Variants in KLHL31 observed in about 807,000 individuals in gnomAD.
The protein encoded by KLHL31 is kelch like family member 31.
In KLHL31, 32 loss-of-function variants were observed where a neutral mutation model predicts 47.1. The observed-to-expected ratio is 0.68, with a 90% CI of 0.51 to 0.91. The LOEUF is 0.91. Among genes scored for constraint, KLHL31 ranks in the 40% least tolerant of loss-of-function variants. The pLI is 0.00. For synonymous variants in KLHL31, 330 were observed against 325.1 expected (o/e 1.01, Z -0.16); for missense variants, 797 against 819.3 (o/e 0.97, Z 0.33).
rs753026142 is a variant in KLHL31 at position 53,651,610 on chromosome 6, T to A, written c.1893A>T (p.Pro631=). ...CATCTACCTGGGCTCAGATACTGAC[T>A]GGCACAGAAGATACCGAACTGGCCC... ...ESRASSVSSV[P]VSI is the part of the protein sequence containing the mutation. Residue 631 remains proline, a synonymous_variant, in exon 3 of 3, where the codon CCA becomes CCT. Transcript: ENST00000370905. The A allele has an allele frequency of 6.2e-7, 1 of 1,612,454 alleles. No homozygotes were observed. The highest frequency in any genetic ancestry group is 8.5e-7 in the Non-Finnish European group (1 of 1,178,752).
intron 1 of KLHL31, among the ~76,000 whole-genome samples, chr6:53,656,118 T>C (rs998814439): frequency 2.7e-5 from 4 of 150,444 alleles, no homozygotes; most frequent in Admixed American, 1.4e-4. Context: ...TTAAGAGATA[T>C]ATATACTTGA....
In KLHL31 at chr6:53,651,718, C is replaced by T. The variant is rs142726111; in HGVS notation, c.1785G>A (p.Thr595=). ...TGGCCTCGGGTAGCTCGTCGTCCTC[C>T]GTCCACTCGTTGAGCTCGGGGCTGA... is the stretch of plus-strand genomic sequence containing the variant. ...QCFSPELNEW[T]EDDELPEATV... is the part of the protein sequence containing the mutation. The change falls in exon 3 of 3, where the codon ACG becomes ACA. Residue 595 remains threonine, a synonymous_variant. Coordinates refer to ENST00000370905, the MANE Select transcript of KLHL31 (RefSeq NM_001003760.5). 3.1e-6 allele frequency: 5 copies of T among 1,614,206 alleles called. No individual in the cohort carries two copies. Among genetic ancestry groups the T allele is most frequent in the Non-Finnish European group, 4.2e-6 (5 of 1,180,036 alleles).
Position 53,651,867 on chromosome 6 carries a change from T to C in KLHL31, c.1636A>G (p.Ser546Gly). 1.2e-6 allele frequency: 2 copies of C among 1,601,982 alleles called. No individual in the cohort carries two copies. The highest frequency in any genetic ancestry group is 1.3e-5 in the African/African-American group (1 of 74,898). The change falls in exon 3 of 3, where the codon AGC (serine) becomes GGC (glycine). Residue 546 changes from serine (S) to glycine (G), a missense_variant. Coordinates refer to ENST00000370905, the MANE Select transcript of KLHL31 (RefSeq NM_001003760.5). The stretch of plus-strand genomic sequence containing the variant: ...CCCACCTGCAGCGGCGCCGCGTAGC[T>C]CCACTGGCCGGTCGCGGGGCTGTAG... Reference protein sequence around the residue: ...ECYSPATGQWSYAAPLQVGVS... With the variant: ...ECYSPATGQWGYAAPLQVGVS...
rs1157995601 is a variant in KLHL31, at chr6:53,651,157, T to C, written c.*441A>G. 1 of 153,018 alleles carries C rather than the reference T, an allele frequency of 6.5e-6. No individual in the cohort carries two copies. The highest frequency in any genetic ancestry group is 1.5e-5 in the Non-Finnish European group (1 of 68,688). 9.5% of individuals were successfully genotyped at this position (153,018 alleles called of 1,614,324 possible). A position where few individuals can be genotyped will look rare whatever the true frequency, so the allele number is the denominator to read the frequency against. On this transcript the variant is annotated 3_prime_UTR_variant, in exon 3 of 3. Transcript: ENST00000370905. Reference sequence around the variant, plus strand: ...CATTTTTAAATAAATAAAATCTATATGAATATCTTCAACTTCCTAAAGAAA... The same window carrying C: ...CATTTTTAAATAAATAAAATCTATACGAATATCTTCAACTTCCTAAAGAAA...
intron 1 of KLHL31, among the ~76,000 whole-genome samples, chr6:53,660,657 T>C (rs1278175413): frequency 6.6e-6 from 1 of 152,014 alleles, no homozygotes; most frequent in Non-Finnish European, 1.5e-5. Flanking sequence ...CTACCAAAAA[T>C]ACAAAAATTA....
At position 53,660,065 on chromosome 6, in the gene KLHL31, T is replaced by G. The variant is rs1764623582; in HGVS notation, c.-33-4760A>C. Among the ~76,000 whole-genome samples the G allele has an allele frequency of 2.0e-5, 3 of 152,326 alleles. No individual in the cohort carries two copies. In the South Asian group the frequency reaches 6.2e-4, roughly 32 times the overall value. ...GTGATACATTAGCTAGTCTGACAAA[T>G]GAATCCGAGCTAACCAGTTAATGGG... On this transcript the variant is annotated intron_variant, in intron 1 of 2. Transcript: ENST00000370905.
At position 53,664,959 on chromosome 6, in the gene KLHL31, C is replaced by T. The variant is rs1441947984; in HGVS notation, c.-34+642G>A. 4.6e-5 allele frequency among the ~76,000 whole-genome samples: 7 copies of T among 151,998 alleles called. No individual in the cohort carries two copies. The East Asian group carries it at 1.3e-3, about 29-fold the overall frequency. On this transcript the variant is annotated intron_variant, in intron 1 of 2. Transcript: ENST00000370905. ...GGTTTCCACTTCACCATTACACTTC[C>T]AACATGATTTTTAATATAAAATATA...
Position 53,648,464 on chromosome 6 carries a change from T to TA in KLHL31, c.*3133dup, listed in dbSNP as rs1465093136. The TA allele has an allele frequency of 6.6e-6, 1 of 152,188 alleles. No individual in the cohort carries two copies. Among genetic ancestry groups the TA allele is most frequent in the East Asian group, 1.9e-4 (1 of 5,202 alleles). The allele number at this position is 152,188 out of a possible 1,614,324, so 9.4% of individuals were successfully genotyped here. ...AGGATAACCAGCAAAAAAATAAAAT[T>TA]AAAAAATTGACCTTTTAGAACGTAC... On this transcript the variant is annotated 3_prime_UTR_variant, in exon 3 of 3. Transcript: ENST00000370905.
At chr6:53,662,403 T>C (rs1481750125) in intron 1 of KLHL31, among the ~76,000 whole-genome samples, 1 of 152,106 alleles carries the variant, frequency 6.6e-6, no homozygotes, top group Non-Finnish European at 1.5e-5. Context: ...GCAGCTGAGG[T>C]TGTGTAATGG....
chr6:53,651,825 C>T lies in KLHL31; in HGVS notation c.1678G>A (p.Val560Ile), dbSNP rs369732814. ...PLQVGVSTAG[V>I]SALHGRAYLV... ...TAGGCGCGGCCATGCAGCGCCGAGACGCCCGCAGTGCTCACTCCCACCTGC... is the reference window on the plus strand; with the variant it reads ...TAGGCGCGGCCATGCAGCGCCGAGATGCCCGCAGTGCTCACTCCCACCTGC... The change falls in exon 3 of 3, where the codon GTC becomes ATC. Residue 560 changes from valine to isoleucine, a missense_variant. Coordinates refer to ENST00000370905, the MANE Select transcript of KLHL31 (RefSeq NM_001003760.5). The T allele has an allele frequency of 1.4e-5, 23 of 1,610,476 alleles. No homozygotes were observed. Among genetic ancestry groups the T allele is most frequent in the Non-Finnish European group, 1.9e-5 (23 of 1,179,666 alleles).
In KLHL31 at chr6:53,659,366, ATAGG is replaced by A. The variant is rs776803346; in HGVS notation, c.-33-4065_-33-4062del. ...TGAGAAACAGATTATTTTTATTTTGATAGGTAGGGCTAACCCCGAAAGTTCAGAA... is the reference window on the plus strand; with the variant it reads ...TGAGAAACAGATTATTTTTATTTTGATAGGGCTAACCCCGAAAGTTCAGAA... On this transcript the variant is annotated intron_variant, in intron 1 of 2. Coordinates refer to ENST00000370905, the MANE Select transcript of KLHL31 (RefSeq NM_001003760.5). 2.2e-3 allele frequency among the ~76,000 whole-genome samples: 336 copies of A among 152,336 alleles called. 1 individual carries two copies. The highest frequency in any genetic ancestry group is 2.6e-3 in the Non-Finnish European group (178 of 68,032).
intron 2 of KLHL31, among the ~76,000 whole-genome samples, chr6:53,652,750 T>G (rs968493812): frequency 1.3e-5 from 2 of 152,186 alleles, no homozygotes; most frequent in Non-Finnish European, 2.9e-5. Context: ...ATCGCCATAT[T>G]AAAGTCAATT....
rs1159171690 is a variant in KLHL31 at position 53,649,004 on chromosome 6, T to C, written c.*2594A>G. 6.6e-6 allele frequency: 1 copy of C among 152,118 alleles called. No homozygotes were observed. The highest frequency in any genetic ancestry group is 2.4e-5 in the African/African-American group (1 of 41,434). 9.4% of individuals were successfully genotyped at this position (152,118 alleles called of 1,614,324 possible). On this transcript the variant is annotated 3_prime_UTR_variant, in exon 3 of 3. Transcript: ENST00000370905. ...TTCTTTAATAAAAAATAAAAGGAAG[T>C]ATATGGTTGGGTCCTAAGACTCTGG...
At position 53,664,792 on chromosome 6, in the gene KLHL31, G is replaced by C. The variant is rs976938747; in HGVS notation, c.-34+809C>G. Among the ~76,000 whole-genome samples, 5 of 152,274 alleles carry C rather than the reference G, an allele frequency of 3.3e-5. No individual in the cohort carries two copies. In the East Asian group the frequency reaches 9.7e-4, roughly 29 times the overall value. On this transcript the variant is annotated intron_variant, in intron 1 of 2. Transcript: ENST00000370905. ...GTCTTTTTGCCAAAGGGGCGAATCA[G>C]CTGCGCCTGCTCCCTGTCCTGGCCA...
At chr6:53,659,044 G>A (rs1378472801) in intron 1 of KLHL31, among the ~76,000 whole-genome samples, 1 of 152,184 alleles carries the variant, frequency 6.6e-6, no homozygotes, top group African/African-American at 2.4e-5. Context: ...CTGACAAAAA[G>A]TGAATATTCA....
rs1764424129 is a variant in KLHL31, at chr6:53,648,469, A to C, written c.*3129T>G. 1 of 152,228 alleles carries C rather than the reference A, an allele frequency of 6.6e-6. No homozygotes were observed. The highest frequency in any genetic ancestry group is 6.5e-5 in the Admixed American group (1 of 15,286). 9.4% of individuals were successfully genotyped at this position (152,228 alleles called of 1,614,324 possible). On this transcript the variant is annotated 3_prime_UTR_variant, in exon 3 of 3. Coordinates refer to ENST00000370905, the MANE Select transcript of KLHL31 (RefSeq NM_001003760.5). ...AACCAGCAAAAAAATAAAATTAAAA[A>C]ATTGACCTTTTAGAACGTACATATT...
rs906510815 is a variant in KLHL31 at position 53,651,438 on chromosome 6, C to T, written c.*160G>A. The T allele has an allele frequency of 3.3e-5, 9 of 275,224 alleles. No homozygotes were observed. Among genetic ancestry groups the T allele is most frequent in the African/African-American group, 2.2e-4 (9 of 40,640 alleles). 17.0% of individuals were successfully genotyped at this position (275,224 alleles called of 1,614,324 possible). A position where few individuals can be genotyped will look rare whatever the true frequency, so the allele number is the denominator to read the frequency against. On this transcript the variant is annotated 3_prime_UTR_variant, in exon 3 of 3. Coordinates refer to ENST00000370905, the MANE Select transcript of KLHL31 (RefSeq NM_001003760.5). ...AAAAAAAGAGGTAGATTATGCCATA[C>T]CAGGAATTTAAAGCCATCAGGACAT...
Position 53,648,684 on chromosome 6 carries a change from T to C in KLHL31, c.*2914A>G, listed in dbSNP as rs1171643707. The C allele has an allele frequency of 6.6e-6, 1 of 152,200 alleles. No homozygotes were observed. Among genetic ancestry groups the C allele is most frequent in the Non-Finnish European group, 1.5e-5 (1 of 68,022 alleles). The allele number at this position is 152,200 out of a possible 1,614,324, so 9.4% of individuals were successfully genotyped here. On this transcript the variant is annotated 3_prime_UTR_variant, in exon 3 of 3. Coordinates refer to ENST00000370905, the MANE Select transcript of KLHL31 (RefSeq NM_001003760.5). Reference sequence around the variant, plus strand: ...CGAATCTGTACCATCACTGACCTTCTATTCAAAACCATTCTTACAACATAG... The same window carrying C: ...CGAATCTGTACCATCACTGACCTTCCATTCAAAACCATTCTTACAACATAG...
Position 53,654,961 on chromosome 6 carries a change from T to C in KLHL31, c.312A>G (p.Lys104=), listed in dbSNP as rs959409877. 3.1e-6 allele frequency: 5 copies of C among 1,613,996 alleles called. No homozygotes were observed. Among genetic ancestry groups the C allele is most frequent in the Non-Finnish European group, 4.2e-6 (5 of 1,179,884 alleles). ...CSEYFYNILK[K]DPSIQRVDLN... is the part of the protein sequence containing the mutation. ...GATCCACCCTCTGAATTGACGGGTC[T>C]TTTTTTAGGATGTTGTAAAAATACT... The change falls in exon 2 of 3, where the codon AAA becomes AAG. Residue 104 remains lysine (K), a synonymous_variant. Transcript: ENST00000370905.
Sources: gnomAD v4.1 joint callset for allele counts (sites outside exome capture counted in the v4.1 genomes callset) on GRCh38, gnomAD v4.1.1 for gene constraint, MANE v1.5 for transcripts, NCBI Gene and HGNC (gene_info 2026-07-23, HGNC 2026-07-21) for gene names.